BMPER: variants seen among roughly 807,000 people sequenced by gnomAD.
BMPER encodes BMP binding endothelial regulator.
A neutral mutation model predicts 87.3 loss-of-function variants in BMPER; 45 were observed. The ratio of observed to expected loss-of-function variants is 0.52; its 90% CI spans 0.41 to 0.66. BMPER has a LOEUF of 0.66. Among genes scored for constraint, BMPER ranks in the 30% least tolerant of loss-of-function variants. BMPER has a pLI of 0.00. For synonymous variants in BMPER, 326 were observed against 316.2 expected (o/e 1.03, Z -0.33); for missense variants, 784 against 867.5 (o/e 0.90, Z 1.21).
intron 6 of BMPER, among the ~76,000 whole-genome samples, chr7:34,029,458 T>A (rs1247508263): frequency 6.6e-6 from 1 of 152,062 alleles, no homozygotes; most frequent in Admixed American, 6.6e-5. Context: ...AGCTAGCTCT[T>A]GCTGCTCCCA....
At chr7:34,103,603 G>T (rs1335416198) in intron 13 of BMPER, among the ~76,000 whole-genome samples, 3 of 152,158 alleles carry the variant, frequency 2.0e-5, no homozygotes, top group Non-Finnish European at 4.4e-5. Flanking sequence ...CCTCCTTGAG[G>T]CAGAGGGGGA....
intron 13 of BMPER, among the ~76,000 whole-genome samples, chr7:34,119,913 A>T (rs1790219033): frequency 6.6e-6 from 1 of 152,198 alleles, no homozygotes; most frequent in Non-Finnish European, 1.5e-5. Flanking sequence ...AACCAATGAA[A>T]GTTGTTATAG....
intron 2 of BMPER, among the ~76,000 whole-genome samples, chr7:33,913,639 G>A (rs1262926793): frequency 6.6e-6 from 1 of 152,048 alleles, no homozygotes; most frequent in African/African-American, 2.4e-5. Context: ...CAAAGGTATT[G>A]AAAAAAATAG....
At chr7:33,993,591 G>A (rs1201937708) in intron 6 of BMPER, among the ~76,000 whole-genome samples, 1 of 151,814 alleles carries the variant, frequency 6.6e-6, no homozygotes, top group Non-Finnish European at 1.5e-5. Context: ...AGAGTAATTT[G>A]ATCGTCTGAA....
intron 13 of BMPER, among the ~76,000 whole-genome samples, chr7:34,118,559 G>T (rs1050208544): frequency 6.6e-6 from 1 of 152,112 alleles, no homozygotes; most frequent in Non-Finnish European, 1.5e-5. Flanking sequence ...CAGTGCCTGT[G>T]TGGCATGTAT....
intron 3 of BMPER, among the ~76,000 whole-genome samples, chr7:33,961,169 C>T (rs2128616297): frequency 6.6e-6 from 1 of 152,296 alleles, no homozygotes; most frequent in Non-Finnish European, 1.5e-5. Context: ...AGTACAGCTT[C>T]TCTGCAATGG....
intron 6 of BMPER, among the ~76,000 whole-genome samples, chr7:34,022,563 G>A (rs916259071): frequency 2.6e-5 from 4 of 151,788 alleles, no homozygotes; most frequent in Non-Finnish European, 5.9e-5. Context: ...GGCCCTACAG[G>A]ACACATAATG....
intron 11 of BMPER, among the ~76,000 whole-genome samples, chr7:34,074,151 T>C (rs1030781829): frequency 6.6e-6 from 1 of 152,274 alleles, no homozygotes; most frequent in Non-Finnish European, 1.5e-5. Context: ...ACCTACACAA[T>C]ATTTCTTGAA....
chr7:33,945,022 A>G (rs561618663), intron 3 of BMPER, among the ~76,000 whole-genome samples: 5 of 152,048 alleles, frequency 3.3e-5, no homozygotes, highest in Admixed American at 6.5e-5. Flanking sequence ...GCTCACTGCA[A>G]GCTCCACCTC....
intron 3 of BMPER, among the ~76,000 whole-genome samples, chr7:33,949,886 A>T (rs1011460981): frequency 6.6e-6 from 1 of 152,226 alleles, no homozygotes; most frequent in African/African-American, 2.4e-5. Flanking sequence ...CCCATAATAT[A>T]AACCAGGCTA....
rs114995437 is a variant in BMPER at position 33,950,187 on chromosome 7, T to C, written c.319+12799T>C. On this transcript the variant is annotated intron_variant, in intron 3 of 14. Transcript: ENST00000649409. The stretch of plus-strand genomic sequence containing the variant: ...TTCTGGTGGTTCCATTTTCACTTTC[T>C]AAAGTGGGCCAAGTTGCGAATGTTC... 1.3e-3 allele frequency among the ~76,000 whole-genome samples: 196 copies of C among 152,246 alleles called. 1 individual carries two copies. The highest frequency in any genetic ancestry group is 4.6e-3 in the African/African-American group (190 of 41,558).
chr7:34,145,045 C>G (rs954546801), intron 14 of BMPER, among the ~76,000 whole-genome samples: 1 of 152,122 alleles, frequency 6.6e-6, no homozygotes, highest in African/African-American at 2.4e-5. Context: ...TTGGAATCAC[C>G]CTGGGAGCTT....
intron 6 of BMPER, among the ~76,000 whole-genome samples, chr7:34,033,478 G>A (rs527836451): frequency 6.6e-6 from 1 of 152,024 alleles, no homozygotes; most frequent in African/African-American, 2.4e-5. Flanking sequence ...TGGATTTCCT[G>A]GTTAAAAAAA....
intron 13 of BMPER, among the ~76,000 whole-genome samples, chr7:34,107,336 A>G (rs1464999492): frequency 6.6e-6 from 1 of 152,232 alleles, no homozygotes; most frequent in Non-Finnish European, 1.5e-5. Flanking sequence ...CTTAATCTCA[A>G]TTGGGAGATG....
chr7:33,938,842 A>G (rs1172893637), intron 3 of BMPER, among the ~76,000 whole-genome samples: 1 of 152,180 alleles, frequency 6.6e-6, no homozygotes, highest in African/African-American at 2.4e-5. Flanking sequence ...CCTGGCCAAC[A>G]TGATGAAACC....
intron 14 of BMPER, among the ~76,000 whole-genome samples, chr7:34,145,691 G>A (rs1052916404): frequency 6.6e-6 from 1 of 152,168 alleles, no homozygotes; most frequent in Non-Finnish European, 1.5e-5. Context: ...CTGGTATAAT[G>A]CAGGGCTCAG....
At chr7:33,905,977 A>G (rs1293404476) in intron 1 of BMPER, among the ~76,000 whole-genome samples, 6 of 152,190 alleles carry the variant, frequency 3.9e-5, no homozygotes, top group Admixed American at 2.6e-4. Flanking sequence ...ACATTCTTCT[A>G]TTTGAATTTG....
In BMPER at chr7:33,932,021, G is replaced by T. The variant is rs716849; in HGVS notation, c.220-5268G>T. Among the ~76,000 whole-genome samples the T allele has an allele frequency of 7.0e-3, 1,065 of 152,298 alleles. 8 individuals carry two copies. The highest frequency in any genetic ancestry group is 0.024 in the African/African-American group (1,012 of 41,544). On this transcript the variant is annotated intron_variant, in intron 2 of 14. Coordinates refer to ENST00000649409, the MANE Select transcript of BMPER (RefSeq NM_001365308.1). The stretch of plus-strand genomic sequence containing the variant: ...GTTTCTGGAGACTAGGAACCTTGCT[G>T]TATGATTTCTGTCTCCCTCCCGCAG...
chr7:34,061,230 T>A (rs181726692), intron 10 of BMPER, among the ~76,000 whole-genome samples: 1 of 152,326 alleles, frequency 6.6e-6, no homozygotes, highest in Non-Finnish European at 1.5e-5. Flanking sequence ...TCTACATTTC[T>A]TTTTCTCTTT....
Sources: gnomAD v4.1 joint callset for allele counts (sites outside exome capture counted in the v4.1 genomes callset) on GRCh38, gnomAD v4.1.1 for gene constraint, MANE v1.5 for transcripts, NCBI Gene and HGNC (gene_info 2026-07-23, HGNC 2026-07-21) for gene names.